Variants in DNAJC1 observed in about 807,000 individuals in gnomAD.
DNAJC1 encodes the protein dnaJ homolog subfamily C member 1.
A neutral mutation model predicts 76.6 loss-of-function variants in DNAJC1; 58 were observed. The ratio of observed to expected loss-of-function variants is 0.76; its 90% confidence interval spans 0.61 to 0.94. The LOEUF (loss-of-function observed/expected upper bound fraction) is 0.94. Among genes scored for constraint, DNAJC1 ranks in the 40% least tolerant of loss-of-function variants. The probability of loss-of-function intolerance (pLI) is 0.00; values close to 1 mark genes in which losing one functional copy is unlikely to be tolerated. For synonymous variants in DNAJC1, 258 were observed against 267.9 expected (o/e 0.96, Z 0.36); for missense variants, 689 against 677.3 (o/e 1.02, Z -0.19).
intron 8 of DNAJC1, among the ~76,000 whole-genome samples, chr10:21,854,808 C>T (rs1166485028): frequency 6.6e-6 from 1 of 151,944 alleles, no homozygotes; most frequent in East Asian, 1.9e-4. Context: ...ATTATCTTGG[C>T]GTTTTAAAAA....
rs191387827 is a variant in DNAJC1, at chr10:21,784,127, G to A, written c.1099-17818C>T. Among the ~76,000 whole-genome samples the A allele has an allele frequency of 3.8e-3, 583 of 152,248 alleles. 5 individuals are homozygous for A. The highest frequency in any genetic ancestry group is 0.013 in the African/African-American group (550 of 41,546). Reference sequence around the variant, plus strand: ...AGTGAACAGGCAACCTACAAAATGGGAGAAAATTTTTGCAATCTACCCATC... The same window carrying A: ...AGTGAACAGGCAACCTACAAAATGGAAGAAAATTTTTGCAATCTACCCATC... On this transcript the variant is annotated intron_variant, in intron 9 of 11. Coordinates refer to ENST00000376980, the MANE Select transcript of DNAJC1 (RefSeq NM_022365.4).
At chr10:21,772,668 A>G (rs1281226196) in intron 9 of DNAJC1, among the ~76,000 whole-genome samples, 1 of 151,638 alleles carries the variant, frequency 6.6e-6, no homozygotes, top group Admixed American at 6.6e-5. Flanking sequence ...AATTTTCTTG[A>G]TATTTTCCAA....
intron 7 of DNAJC1, among the ~76,000 whole-genome samples, chr10:21,902,917 T>C (rs527938862): frequency 7.9e-4 from 120 of 152,134 alleles, no homozygotes; most frequent in African/African-American, 2.9e-3. Flanking sequence ...TTTGGACTAA[T>C]TTTATATTTT....
chr10:21,927,117 T>G (rs1404516889), intron 3 of DNAJC1, among the ~76,000 whole-genome samples: 2 of 152,150 alleles, frequency 1.3e-5, no homozygotes, highest in Admixed American at 1.3e-4. Flanking sequence ...GACCAAAACT[T>G]CTTTCAACAC....
intron 1 of DNAJC1, among the ~76,000 whole-genome samples, chr10:21,994,738 C>T (rs1838386634): frequency 6.6e-6 from 1 of 152,016 alleles, no homozygotes; most frequent in African/African-American, 2.4e-5. Flanking sequence ...TTGCAGTAAG[C>T]CGAGATCGCG....
At chr10:21,962,216 T>G (rs187324427) in intron 1 of DNAJC1, among the ~76,000 whole-genome samples, 312 of 152,244 alleles carry the variant, frequency 2.0e-3, no homozygotes, top group African/African-American at 7.3e-3. Flanking sequence ...GGCAGACATT[T>G]TGTCTGTTTT....
intron 1 of DNAJC1, among the ~76,000 whole-genome samples, chr10:21,984,870 G>A (rs1458181046): frequency 1.3e-5 from 2 of 152,172 alleles, no homozygotes; most frequent in Admixed American, 1.3e-4. Flanking sequence ...ATAACCTTGT[G>A]TACTCAGTTT....
At chr10:21,987,014 C>T (rs1345322434) in intron 1 of DNAJC1, among the ~76,000 whole-genome samples, 4 of 152,288 alleles carry the variant, frequency 2.6e-5, no homozygotes, top group Non-Finnish European at 4.4e-5. Context: ...GTGATCCACC[C>T]TCCTTGGCCA....
intron 1 of DNAJC1, among the ~76,000 whole-genome samples, chr10:21,967,814 G>A (rs1255249915): frequency 6.6e-6 from 1 of 152,116 alleles, no homozygotes; most frequent in Non-Finnish European, 1.5e-5. Flanking sequence ...CAGGTAGGGG[G>A]CAGTACTCAT....
chr10:21,935,471 G>A (rs921080355), intron 1 of DNAJC1, among the ~76,000 whole-genome samples: 6 of 151,996 alleles, frequency 3.9e-5, no homozygotes, highest in Admixed American at 3.9e-4. Flanking sequence ...AATGAACAAA[G>A]CCTAAGAGAC....
chr10:21,875,862 T>G (rs1364857452), intron 8 of DNAJC1, among the ~76,000 whole-genome samples: 1 of 151,804 alleles, frequency 6.6e-6, no homozygotes, highest in Non-Finnish European at 1.5e-5. Flanking sequence ...GAGGCGGAGG[T>G]TGCAGCGAGG....
chr10:21,812,293 G>A (rs558896770), intron 8 of DNAJC1, among the ~76,000 whole-genome samples: 1 of 151,736 alleles, frequency 6.6e-6, no homozygotes, highest in Admixed American at 6.6e-5. Context: ...TCCTGACCTC[G>A]TGATCTGCCT....
intron 10 of DNAJC1, among the ~76,000 whole-genome samples, chr10:21,763,056 G>A (rs544045133): frequency 2.0e-5 from 3 of 152,022 alleles, no homozygotes; most frequent in Non-Finnish European, 4.4e-5. Context: ...TCAGCTTCCC[G>A]AGTAGCTGAG....
intron 7 of DNAJC1, among the ~76,000 whole-genome samples, chr10:21,891,478 AAAAAAAAAAAAAAAAAAGAAAAG>A (rs965366104): frequency 7.7e-5 from 11 of 141,958 alleles, no homozygotes; most frequent in African/African-American, 3.0e-4. Flanking sequence ...AAAGTAGACA[AAAAAAAAAAAAAAAAAAGAAAAG>A]AAAAAAAAAA....
At chr10:21,889,335 C>T (rs1480343124) in intron 7 of DNAJC1, among the ~76,000 whole-genome samples, 2 of 152,104 alleles carry the variant, frequency 1.3e-5, no homozygotes, top group Non-Finnish European at 2.9e-5. Flanking sequence ...GATCAAATCA[C>T]CTCCCACCAG....
intron 1 of DNAJC1, among the ~76,000 whole-genome samples, chr10:21,969,280 C>CT (rs1339743651): frequency 6.9e-6 from 1 of 143,912 alleles, no homozygotes; most frequent in Non-Finnish European, 1.5e-5. Flanking sequence ...TGGAATAATC[C>CT]TTTAACTCCT....
In DNAJC1 at chr10:21,882,295, G is replaced by A. The variant is rs201496867; in HGVS notation, c.965C>T (p.Thr322Ile). The change falls in exon 8 of 12, where the codon ACA (threonine) becomes ATA (isoleucine). Residue 322 changes from threonine (T) to isoleucine (I), a missense_variant. By Grantham distance (89) the Thr-to-Ile change is moderately conservative (BLOSUM62 -1). Coordinates refer to ENST00000376980, the MANE Select transcript of DNAJC1 (RefSeq NM_022365.4). ...MDDWLENRNR[T>I]QKKQAPEWTE... ...AAGCTTATTTACCTGTTTTTTCTGT[G>A]TTCGGTTCCTGTTTTCCAACCAATC... The A allele has an allele frequency of 7.2e-5, 115 of 1,593,092 alleles. No individual in the cohort carries two copies. In the Middle Eastern group the frequency reaches 1.0e-3, roughly 14 times the overall value.
At chr10:21,952,601 A>G (rs1190534336) in intron 1 of DNAJC1, among the ~76,000 whole-genome samples, 3 of 152,232 alleles carry the variant, frequency 2.0e-5, no homozygotes, top group African/African-American at 7.2e-5. Flanking sequence ...TACTAAAAAA[A>G]TACAAAAATT....
chr10:21,904,491 C>A, intron 7 of DNAJC1, 31 bp downstream of exon 7: 4 of 1,259,798 alleles, frequency 3.2e-6, no homozygotes, highest in South Asian at 3.1e-5. Flanking sequence ...TTTTATATGA[C>A]ATTGTTAAAA....
Sources: gnomAD v4.1 joint callset for allele counts (sites outside exome capture counted in the v4.1 genomes callset) on GRCh38, gnomAD v4.1.1 for gene constraint, MANE v1.5 for transcripts, NCBI Gene and HGNC (gene_info 2026-07-23, HGNC 2026-07-21) for gene names.